The following FAR1 variants were observed in gnomAD, a reference collection of about 807,000 sequenced individuals.
FAR1 encodes fatty acyl-CoA reductase 1, also known as male sterility domain-containing protein 2.
In FAR1, 22 loss-of-function variants were observed where a neutral mutation model predicts 61.1. The ratio of observed to expected loss-of-function variants is 0.36; its 90% CI spans 0.26 to 0.51. The LOEUF (loss-of-function observed/expected upper bound fraction) is 0.51. FAR1 is among the 20% of genes least tolerant of loss of function. The probability of loss-of-function intolerance (pLI) is 0.95; values close to 1 mark genes in which losing one functional copy is unlikely to be tolerated. For missense variants in FAR1, 359 were observed against 626.9 expected, an observed-to-expected ratio of 0.57 and a Z score of 4.56; for synonymous variants, 206 against 209.7, an observed-to-expected ratio of 0.98 and a Z score of 0.15.
intron 9 of FAR1, 92 bp downstream of exon 9, chr11:13,714,772 TATG>T (rs2134194294): frequency 2.5e-6 from 3 of 1,213,688 alleles, no homozygotes; most frequent in Middle Eastern, 2.0e-4. Flanking sequence ...TGTTTATGCT[TATG>T]ATAAGGCTTA....
At chr11:13,728,370 G>GT (rs1249189145) in intron 11 of FAR1, among the ~76,000 whole-genome samples, 1 of 151,720 alleles carries the variant, frequency 6.6e-6, no homozygotes, top group African/African-American at 2.4e-5. Flanking sequence ...CAAAAAAAAA[G>GT]TTTGCTCTAT....
At chr11:13,711,568 T>A (rs1307847999) in intron 5 of FAR1, among the ~76,000 whole-genome samples, 196 bp from the exon 6 acceptor site, 1 of 152,142 alleles carries the variant, frequency 6.6e-6, no homozygotes, top group South Asian at 2.1e-4. Flanking sequence ...ATGATTTTAC[T>A]CAATTATTTT....
At chr11:13,674,049 C>T (rs1362804709) in intron 1 of FAR1, among the ~76,000 whole-genome samples, 2 of 152,102 alleles carry the variant, frequency 1.3e-5, no homozygotes, top group African/African-American at 4.8e-5. Context: ...CGGTGGCTCA[C>T]GCCTGTAATC....
intron 9 of FAR1, among the ~76,000 whole-genome samples, chr11:13,719,496 T>G (rs1848587762): frequency 6.6e-6 from 1 of 152,232 alleles, no homozygotes; most frequent in African/African-American, 2.4e-5. Context: ...ATGTCATTCA[T>G]TTCATCCAGT....
At position 13,708,053 on chromosome 11, in the gene FAR1, T is replaced by C; in HGVS notation, c.519T>C (p.Asp173=). 1 of 1,597,054 alleles carries C rather than the reference T, an allele frequency of 6.3e-7. No individual in the cohort carries two copies. Among genetic ancestry groups the C allele is most frequent in the Non-Finnish European group, 8.5e-7 (1 of 1,172,768 alleles). The change falls in exon 4 of 12, where the codon GAT becomes GAC. Residue 173 remains aspartate, a synonymous_variant. Transcript: ENST00000354817. ...AAGTAGTCTATCCACCACCTGTGGA[T>C]CCCAAGAAGCTGATTGATTCTTTAG... The part of the protein sequence containing the change: ...IDEVVYPPPV[D]PKKLIDSLEW...
rs1309595064 is a variant in FAR1, at chr11:13,730,084, CATTTG to C, written c.*1315_*1319del. 2.6e-5 allele frequency: 4 copies of C among 152,480 alleles called. No individual in the cohort carries two copies. The highest frequency in any genetic ancestry group is 1.9e-4 in the East Asian group (1 of 5,190). The allele number at this position is 152,480 out of a possible 1,614,324, so 9.4% of individuals were successfully genotyped here. Reference sequence around the variant, plus strand: ...TAACTCTACTTACTGTTTTAACATACATTTGATTTAACAAATTGTTCAGCATAACA... The same window carrying C: ...TAACTCTACTTACTGTTTTAACATACATTTAACAAATTGTTCAGCATAACA... On this transcript the variant is annotated 3_prime_UTR_variant, in exon 12 of 12. Transcript: ENST00000354817.
At position 13,684,986 on chromosome 11, in the gene FAR1, T is replaced by G. The variant is rs1012707905; in HGVS notation, c.-7-9773T>G. Among the ~76,000 whole-genome samples, 10 of 152,268 alleles carry G rather than the reference T, an allele frequency of 6.6e-5. No homozygotes were observed. In the East Asian group the frequency reaches 1.7e-3, roughly 26 times the overall value. ...CTTATTAACTCTACTGCCTTGGGGG[T>G]TTTTTGTTTCTAATATTTCAATAAA... On this transcript the variant is annotated intron_variant, in intron 1 of 11. Coordinates refer to ENST00000354817, the MANE Select transcript of FAR1 (RefSeq NM_032228.6).
intron 1 of FAR1, among the ~76,000 whole-genome samples, chr11:13,672,492 C>T (rs1351326545): frequency 6.6e-6 from 1 of 150,732 alleles, no homozygotes; most frequent in South Asian, 2.1e-4. Context: ...CTGCAGTGAA[C>T]CTTGATCATG....
chr11:13,673,025 C>T (rs539947260), intron 1 of FAR1, among the ~76,000 whole-genome samples: 89 of 152,308 alleles, frequency 5.8e-4, no homozygotes, highest in African/African-American at 2.0e-3. Flanking sequence ...AGTTTCAGTT[C>T]AGTAAGACAA....
intron 3 of FAR1, among the ~76,000 whole-genome samples, 162 bp from the exon 4 acceptor site, chr11:13,707,738 A>G (rs947655242): frequency 6.6e-6 from 1 of 152,046 alleles, no homozygotes; most frequent in Non-Finnish European, 1.5e-5. Flanking sequence ...GCTGATAAAC[A>G]TTTAATATGG....
At chr11:13,710,209 T>C (rs1394996495) in intron 4 of FAR1, among the ~76,000 whole-genome samples, 1 of 152,068 alleles carries the variant, frequency 6.6e-6, no homozygotes, top group Non-Finnish European at 1.5e-5. Context: ...GTTACTTCAT[T>C]AGGTGGTTAT....
At chr11:13,728,488 A>C in intron 11 of FAR1, 124 bp from the exon 12 acceptor site, 1 of 848,174 alleles carries the variant, frequency 1.2e-6, no homozygotes, top group East Asian at 2.5e-5. Flanking sequence ...CTTAATGCCT[A>C]TCATAAGTTT....
At chr11:13,684,215 C>T (rs1447323348) in intron 1 of FAR1, among the ~76,000 whole-genome samples, 1 of 152,124 alleles carries the variant, frequency 6.6e-6, no homozygotes, top group Non-Finnish European at 1.5e-5. Context: ...TTGTTTCATA[C>T]ATAAGTAACC....
At chr11:13,669,606 C>T (rs1424146953) in intron 1 of FAR1, 1 of 152,230 alleles carries the variant, frequency 6.6e-6, no homozygotes, top group Non-Finnish European at 1.5e-5. Flanking sequence ...GAACAGTTGT[C>T]TGATTCTGCG....
At position 13,708,444 on chromosome 11, in the gene FAR1, C is replaced by T. The variant is rs968759386; in HGVS notation, c.545+365C>T. 8.5e-5 allele frequency among the ~76,000 whole-genome samples: 8 copies of T among 93,888 alleles called. No homozygotes were observed. In the East Asian group the frequency reaches 1.3e-3, roughly 16 times the overall value. 61.6% of individuals were successfully genotyped at this position (93,888 alleles called of 152,430 possible). A position where few individuals can be genotyped will look rare whatever the true frequency, so the allele number is the denominator to read the frequency against. On this transcript the variant is annotated intron_variant, in intron 4 of 11. Transcript: ENST00000354817. ...CACCCCATATACATGTGCGCGCGCG[C>T]GCGCACACACACACACACACACACA...
chr11:13,725,662 A>G (rs1848661138), intron 10 of FAR1, among the ~76,000 whole-genome samples: 1 of 152,106 alleles, frequency 6.6e-6, no homozygotes, highest in African/African-American at 2.4e-5. Flanking sequence ...GCATCCTTAC[A>G]CATTGCTGGT....
At chr11:13,710,390 T>TTTAAG (rs1404768791) in intron 4 of FAR1, among the ~76,000 whole-genome samples, 4 of 152,068 alleles carry the variant, frequency 2.6e-5, no homozygotes, top group African/African-American at 9.7e-5. Context: ...TATATGAATG[T>TTTAAG]TTAAGTTGTA....
chr11:13,723,362 CAAAAAA>C (rs71313446), intron 10 of FAR1: 7 of 259,984 alleles, frequency 2.7e-5, no homozygotes, highest in South Asian at 5.1e-5. Context: ...GAGAGTCTCT[CAAAAAA>C]AAAAAAAAAA....
chr11:13,700,323 G>T lies in FAR1; in HGVS notation c.196G>T (p.Asp66Tyr). Residue 66 changes from aspartate to tyrosine, a missense_variant, in exon 3 of 12, where the codon GAC becomes TAC. Physicochemically the swap from Asp to Tyr is radical, Grantham distance 160. Coordinates refer to ENST00000354817, the MANE Select transcript of FAR1 (RefSeq NM_032228.6). Reference protein sequence around the residue: ...VEEVLSGKLFDRLRDENPDFR... With the variant: ...VEEVLSGKLFYRLRDENPDFR... ...TATTTTTCCCTCTTGATAGCTTTTTGACAGATTGAGAGATGAAAATCCAGA... is the reference window on the plus strand; with the variant it reads ...TATTTTTCCCTCTTGATAGCTTTTTTACAGATTGAGAGATGAAAATCCAGA... The T allele has an allele frequency of 6.3e-7, 1 of 1,580,030 alleles. No homozygotes were observed. The highest frequency in any genetic ancestry group is 8.6e-7 in the Non-Finnish European group (1 of 1,168,708).
Sources: gnomAD v4.1 joint callset for allele counts (sites outside exome capture counted in the v4.1 genomes callset) on GRCh38, gnomAD v4.1.1 for gene constraint, MANE v1.5 for transcripts, NCBI Gene and HGNC (gene_info 2026-07-23, HGNC 2026-07-21) for gene names.